Variants in SEC14L1 observed in about 807,000 individuals in gnomAD.
The protein encoded by SEC14L1 is SEC14-like protein 1.
In SEC14L1, 48 loss-of-function variants were observed where a neutral mutation model predicts 85.3. The ratio of observed to expected loss-of-function variants is 0.56; its 90% CI spans 0.45 to 0.72. The LOEUF (loss-of-function observed/expected upper bound fraction) is 0.72, where lower values mean the gene tolerates loss of function less well. SEC14L1 is among the 30% of genes least tolerant of loss of function. SEC14L1 has a pLI of 0.00. For missense variants in SEC14L1, 682 were observed against 921.4 expected (o/e 0.74, Z 3.36); for synonymous variants, 391 against 355.5 (o/e 1.10, Z -1.12).
chr17:77,105,370 A>ACCCCCCCCC (rs1321853423), intron 3 of SEC14L1, among the ~76,000 whole-genome samples: 1 of 30,634 alleles, frequency 3.3e-5, no homozygotes, highest in Non-Finnish European at 7.2e-5. Flanking sequence ...CTCCTCGCTG[A>ACCCCCCCCC]CCACCCCCCC....
intron 5 of SEC14L1, among the ~76,000 whole-genome samples, chr17:77,192,616 C>T (rs1238301415): frequency 6.6e-6 from 1 of 152,050 alleles, no homozygotes; most frequent in Non-Finnish European, 1.5e-5. Context: ...TCTTGGCCAG[C>T]CCCAGCCACC....
At chr17:77,193,277 C>CAAA (rs1975632522) in intron 5 of SEC14L1, 144 bp from the exon 6 acceptor site, 1 of 641,586 alleles carries the variant, frequency 1.6e-6, no homozygotes, top group East Asian at 3.0e-5. Flanking sequence ...ATGATTTTGG[C>CAAA]ATTTTTTCCA....
intron 3 of SEC14L1, among the ~76,000 whole-genome samples, chr17:77,117,894 A>T (rs1450192454): frequency 1.3e-5 from 2 of 152,178 alleles, no homozygotes; most frequent in Non-Finnish European, 1.5e-5. Flanking sequence ...AAGGCCCTAA[A>T]AACAAGACTG....
intron 3 of SEC14L1, among the ~76,000 whole-genome samples, chr17:77,183,588 A>G (rs1975139562): frequency 6.6e-6 from 1 of 152,240 alleles, no homozygotes; most frequent in South Asian, 2.1e-4. Flanking sequence ...AGACTGTGCC[A>G]CTGCACTCCA....
chr17:77,186,088 C>A (rs187065378), intron 3 of SEC14L1, among the ~76,000 whole-genome samples: 2 of 152,210 alleles, frequency 1.3e-5, no homozygotes, highest in Non-Finnish European at 2.9e-5. Flanking sequence ...GACCATCCTG[C>A]GCATGAGTCT....
Position 77,206,763 on chromosome 17 carries a change from G to A in SEC14L1, c.1377G>A (p.Lys459=). 6.2e-7 allele frequency: 1 copy of A among 1,612,526 alleles called. No homozygotes were observed. Among genetic ancestry groups the A allele is most frequent in the African/African-American group, 1.3e-5 (1 of 74,928 alleles). The stretch of plus-strand genomic sequence containing the variant: ...TCATTGATGACAACACCAGAAGGAA[G>A]TTCCTCATTTATGCAGGAAATGACT... ...SPFIDDNTRR[K]FLIYAGNDYQ... Residue 459 remains lysine (K), a synonymous_variant, in exon 13 of 17, where the codon AAG becomes AAA. Coordinates refer to ENST00000436233, the MANE Select transcript of SEC14L1 (RefSeq NM_001143998.2). The surrounding 1 kb of genome is among the most constrained non-coding windows in gnomAD (Gnocchi z 4.3).
intron 7 of SEC14L1, among the ~76,000 whole-genome samples, chr17:77,195,826 G>T (rs1975783668): frequency 6.6e-6 from 1 of 151,900 alleles, no homozygotes; most frequent in African/African-American, 2.4e-5. Flanking sequence ...AATAGATTTA[G>T]ATTTGCTTGG....
intron 3 of SEC14L1, among the ~76,000 whole-genome samples, chr17:77,166,787 G>C (rs1185711985): frequency 1.3e-5 from 2 of 152,088 alleles, no homozygotes; most frequent in Non-Finnish European, 2.9e-5. Flanking sequence ...TGCAGTGAGT[G>C]AAGATCGTGC....
At chr17:77,183,567 G>C (rs926752134) in intron 3 of SEC14L1, among the ~76,000 whole-genome samples, 1 of 152,216 alleles carries the variant, frequency 6.6e-6, no homozygotes, top group East Asian at 1.9e-4. Context: ...GGCGGAGGAT[G>C]CAGTGAGCCA....
intron 3 of SEC14L1, among the ~76,000 whole-genome samples, chr17:77,174,188 G>A (rs541189388): frequency 1.3e-5 from 2 of 152,044 alleles, no homozygotes; most frequent in South Asian, 2.1e-4. Flanking sequence ...CAAAGTGCTG[G>A]GATTACAGGC....
intron 3 of SEC14L1, among the ~76,000 whole-genome samples, chr17:77,121,032 G>C (rs1194320114): frequency 6.6e-6 from 1 of 152,194 alleles, no homozygotes; most frequent in East Asian, 1.9e-4. Context: ...CCTAATCCGG[G>C]TGAGGTGGCA....
intron 9 of SEC14L1, among the ~76,000 whole-genome samples, chr17:77,202,772 T>G (rs1976219870): frequency 6.6e-6 from 1 of 151,612 alleles, no homozygotes; most frequent in Non-Finnish European, 1.5e-5. Context: ...TACAAAAAAT[T>G]AGCCGGGCAT....
At chr17:77,148,380 C>T (rs1973410048) in intron 3 of SEC14L1, among the ~76,000 whole-genome samples, 1 of 152,132 alleles carries the variant, frequency 6.6e-6, no homozygotes, top group African/African-American at 2.4e-5. Context: ...TCATTGTGAC[C>T]AGTGGGAACA....
At chr17:77,199,664 C>T (rs1976018941) in intron 8 of SEC14L1, 2 of 152,226 alleles carry the variant, frequency 1.3e-5, no homozygotes, top group African/African-American at 2.4e-5. Flanking sequence ...GTGCAAGGAT[C>T]ATAGTCATTC....
chr17:77,210,537 T>G (rs1303450146), intron 14 of SEC14L1: 1 of 152,454 alleles, frequency 6.6e-6, no homozygotes, highest in African/African-American at 2.4e-5. Context: ...CATCTGCCAG[T>G]GGCTTCTGCT....
intron 8 of SEC14L1, among the ~76,000 whole-genome samples, chr17:77,198,003 C>T (rs945214915): frequency 2.6e-5 from 4 of 152,366 alleles, no homozygotes; most frequent in East Asian, 1.9e-4. Context: ...TATTTCTTGT[C>T]ATACTGACTT....
At chr17:77,211,739 C>T in intron 14 of SEC14L1, 1 of 618,010 alleles carries the variant, frequency 1.6e-6, no homozygotes, top group Non-Finnish European at 2.8e-6. Flanking sequence ...ACAAAGAACA[C>T]AGAGCTTGGT....
At chr17:77,173,558 A>C (rs1013868110) in intron 3 of SEC14L1, among the ~76,000 whole-genome samples, 9 of 152,280 alleles carry the variant, frequency 5.9e-5, no homozygotes, top group African/African-American at 1.9e-4. Flanking sequence ...CCGTCAGCAC[A>C]GGGCATAGCG....
At chr17:77,180,264 C>T (rs1428423759) in intron 3 of SEC14L1, among the ~76,000 whole-genome samples, 3 of 151,576 alleles carry the variant, frequency 2.0e-5, no homozygotes, top group Non-Finnish European at 4.4e-5. Context: ...CCACCATGCC[C>T]AGCTGATTTT....
Sources: gnomAD v4.1 joint callset for allele counts (sites outside exome capture counted in the v4.1 genomes callset) on GRCh38, gnomAD v4.1.1 for gene constraint, Gnocchi (gnomAD v3.1) non-coding constraint, MANE v1.5 for transcripts, NCBI Gene and HGNC (gene_info 2026-07-23, HGNC 2026-07-21) for gene names.